CDK11B: variants seen among roughly 807,000 people sequenced by gnomAD.
CDK11B encodes the protein cyclin-dependent kinase 11B.
CDK11B carries 37 observed loss-of-function variants against 84.0 expected under a neutral mutation model. The ratio of observed to expected loss-of-function variants is 0.44; its 90% CI spans 0.34 to 0.58. The LOEUF (loss-of-function observed/expected upper bound fraction) is 0.58. CDK11B is among the 20% of genes least tolerant of loss of function. The pLI, the probability that CDK11B is intolerant of heterozygous loss-of-function variation, is 0.02. For missense variants in CDK11B, 427 were observed against 834.0 expected, an observed-to-expected ratio of 0.51 and a Z score of 6.01; for synonymous variants, 269 against 309.8, an observed-to-expected ratio of 0.87 and a Z score of 1.38.
chr1:1,637,018 TG>T lies in CDK11B; in HGVS notation c.1693-15del. ...GAAGTCACCCACCTGCAACGACAGATGGGCGGCTGTGAGTGGGCCCCGGCAG... is the reference window on the plus strand; with the variant it reads ...GAAGTCACCCACCTGCAACGACAGATGGCGGCTGTGAGTGGGCCCCGGCAG... On this transcript the variant is annotated splice_polypyrimidine_tract_variant and intron_variant, in intron 15 of 19. Coordinates refer to ENST00000341832, the MANE Select transcript of CDK11B (RefSeq NM_033486.3). The T allele has an allele frequency of 1.2e-6, 2 of 1,612,922 alleles. No individual in the cohort carries two copies. The highest frequency in any genetic ancestry group is 1.7e-6 in the Non-Finnish European group (2 of 1,179,528).
At chr1:1,645,904 T>C (rs1251990426) in intron 5 of CDK11B, 2 of 350,634 alleles carry the variant, frequency 5.7e-6, no homozygotes, top group African/African-American at 4.3e-5. Flanking sequence ...AGTGGCGCAA[T>C]CTCGGCTCAC....
At chr1:1,654,842 T>A (rs1215300733) in intron 3 of CDK11B, among the ~76,000 whole-genome samples, 1 of 150,812 alleles carries the variant, frequency 6.6e-6, no homozygotes, top group Non-Finnish European at 1.5e-5. Flanking sequence ...GTATTTTTAG[T>A]AGAGACGGGG....
chr1:1,636,717 T>C lies in CDK11B; in HGVS notation c.1882A>G (p.Lys628Glu), dbSNP rs1470035005. The C allele has an allele frequency of 6.2e-7, 1 of 1,613,772 alleles. No individual in the cohort carries two copies. The highest frequency in any genetic ancestry group is 8.5e-7 in the Non-Finnish European group (1 of 1,179,854). Residue 628 changes from lysine to glutamate, a missense_variant, in exon 17 of 20, where the codon AAG becomes GAG. Lys to Glu is a moderately conservative substitution (Grantham distance 56). Coordinates refer to ENST00000341832, the MANE Select transcript of CDK11B (RefSeq NM_033486.3). ...TTGTTGATCTGATCGATTTCTGACT[T>C]CCCGGGGAACAGAGGCTTCTGAGTC... ...LLTQKPLFPGKSEIDQINKVF... is the reference protein window; with the variant it reads ...LLTQKPLFPGESEIDQINKVF...
chr1:1,648,790 G>A (rs531615939), intron 5 of CDK11B, among the ~76,000 whole-genome samples: 1 of 151,956 alleles, frequency 6.6e-6, no homozygotes, highest in African/African-American at 2.4e-5. Flanking sequence ...TCCTTTTTTT[G>A]AGACAGTCTC....
In CDK11B at chr1:1,649,521, T is replaced by G; in HGVS notation, c.472A>C (p.Arg158=). ...WERQKRREMA[R]EHSRRERDRL... ...CACCTTTCTCTCCTGGAATGCTCCCTTGCCATCTCCCTTCTCTTCTGTCTT... is the reference window on the plus strand; with the variant it reads ...CACCTTTCTCTCCTGGAATGCTCCCGTGCCATCTCCCTTCTCTTCTGTCTT... Residue 158 remains arginine, a synonymous_variant, in exon 5 of 20, where the codon AGG becomes CGG. Transcript: ENST00000341832. The G allele has an allele frequency of 3.1e-6, 5 of 1,597,178 alleles. No individual in the cohort carries two copies. Among genetic ancestry groups the G allele is most frequent in the Non-Finnish European group, 4.3e-6 (5 of 1,164,696 alleles).
chr1:1,652,773 C>T (rs1390614123), intron 3 of CDK11B, among the ~76,000 whole-genome samples: 3 of 152,098 alleles, frequency 2.0e-5, no homozygotes, highest in Non-Finnish European at 2.9e-5. Flanking sequence ...CTCTGTTGCC[C>T]GGGCTATAGT....
At chr1:1,654,875 G>C (rs929680030) in intron 3 of CDK11B, among the ~76,000 whole-genome samples, 1 of 148,598 alleles carries the variant, frequency 6.7e-6, no homozygotes, top group Non-Finnish European at 1.5e-5. Context: ...AGCCAGGATG[G>C]TCTTGATCTT....
intron 3 of CDK11B, among the ~76,000 whole-genome samples, chr1:1,653,917 G>A (rs571811442): frequency 6.6e-6 from 1 of 151,812 alleles, no homozygotes; most frequent in Non-Finnish European, 1.5e-5. Flanking sequence ...TCTGAGGCAG[G>A]AGACTCACTT....
rs1249125779 is a variant in CDK11B, at chr1:1,636,472, T to G, written c.1927A>C (p.Thr643Pro). The change falls in exon 18 of 20, where the codon ACC becomes CCC. Residue 643 changes from threonine (T) to proline (P), a missense_variant. Thr to Pro is a conservative substitution (Grantham distance 38, BLOSUM62 -1). Around this residue, in one of 12 missense-constraint regions of CDK11B, gnomAD observed 170 missense variants for 196.0 expected, o/e 0.87. Coordinates refer to ENST00000341832, the MANE Select transcript of CDK11B (RefSeq NM_033486.3). The stretch of plus-strand genomic sequence containing the variant: ...CCGGGCCAGATTTTCTCACTAGGGG[T>G]CCCCAGATCCTGAAAGACAGAGGTG... ...QINKVFKDLGTPSEKIWPGYS... is the reference protein window; with the variant it reads ...QINKVFKDLGPPSEKIWPGYS... 6.2e-7 allele frequency: 1 copy of G among 1,611,914 alleles called. No individual in the cohort carries two copies.
chr1:1,647,149 CTT>C (rs1177341081), intron 5 of CDK11B, among the ~76,000 whole-genome samples: 4 of 152,204 alleles, frequency 2.6e-5, no homozygotes, highest in Non-Finnish European at 4.4e-5. Flanking sequence ...GTGCATTTTT[CTT>C]GTTTTTTTCT....
intron 17 of CDK11B, 51 bp from the exon 18 acceptor site, chr1:1,636,532 G>T: frequency 1.3e-6 from 2 of 1,589,410 alleles, no homozygotes; most frequent in Non-Finnish European, 1.7e-6. Flanking sequence ...CACAGTGTTG[G>T]CACCTGTGTC....
At chr1:1,639,689 G>C (rs1570051906) in intron 11 of CDK11B, among the ~76,000 whole-genome samples, 1 of 151,948 alleles carries the variant, frequency 6.6e-6, no homozygotes, top group Non-Finnish European at 1.5e-5. Context: ...GCATGCGCCA[G>C]AGAGAACCTC....
Position 1,649,642 on chromosome 1 carries a change from T to C in CDK11B, c.356-5A>G. The C allele has an allele frequency of 1.2e-6, 2 of 1,610,110 alleles. No individual in the cohort carries two copies. The highest frequency in any genetic ancestry group is 1.7e-6 in the Non-Finnish European group (2 of 1,177,168). Reference sequence around the variant, plus strand: ...CTTTCACTCTAGCATGCTTCCCTAATGAGAAATAAAGTGTCATGCAAAGAA... The same window carrying C: ...CTTTCACTCTAGCATGCTTCCCTAACGAGAAATAAAGTGTCATGCAAAGAA... On this transcript the variant is annotated splice_polypyrimidine_tract_variant and splice_region_variant and intron_variant, in intron 4 of 19. Coordinates refer to ENST00000341832, the MANE Select transcript of CDK11B (RefSeq NM_033486.3).
intron 4 of CDK11B, among the ~76,000 whole-genome samples, chr1:1,652,199 GAC>G (rs1365937768): frequency 6.6e-6 from 1 of 151,796 alleles, no homozygotes; most frequent in Non-Finnish European, 1.5e-5. Context: ...TTCGGTCTGT[GAC>G]ACACGCATGC....
chr1:1,654,430 T>A (rs1334263791), intron 3 of CDK11B, among the ~76,000 whole-genome samples: 4 of 152,130 alleles, frequency 2.6e-5, no homozygotes, highest in African/African-American at 9.7e-5. Context: ...GGAAAACTCA[T>A]TTAGTTTTTC....
At chr1:1,639,935 C>T (rs369913709) in intron 11 of CDK11B, among the ~76,000 whole-genome samples, 3 of 151,656 alleles carry the variant, frequency 2.0e-5, no homozygotes, top group African/African-American at 7.3e-5. Context: ...CTACATAACC[C>T]GCCCACGCAG....
chr1:1,654,730 C>T (rs2101002873), intron 3 of CDK11B, among the ~76,000 whole-genome samples: 1 of 150,614 alleles, frequency 6.6e-6, no homozygotes, highest in African/African-American at 2.4e-5. Context: ...ATGATCTTGT[C>T]TCACTGCAAG....
intron 1 of CDK11B, 27 bp downstream of exon 1, chr1:1,658,887 C>A (rs559827562): frequency 4.6e-4 from 78 of 170,590 alleles, no homozygotes; most frequent in Non-Finnish European, 7.9e-4. Flanking sequence ...CGCGCTCCCA[C>A]ACCTGGTCCG....
At position 1,658,931 on chromosome 1, in the gene CDK11B, T is replaced by TGCC. The variant is rs532220148; in HGVS notation, c.-34_-32dup. 1.6e-3 allele frequency: 315 copies of TGCC among 195,688 alleles called. 3 individuals are homozygous for TGCC. The highest frequency in any genetic ancestry group is 0.011 in the South Asian group (163 of 14,884). 12.1% of individuals were successfully genotyped at this position (195,688 alleles called of 1,614,324 possible). A position where few individuals can be genotyped will look rare whatever the true frequency, so the allele number is the denominator to read the frequency against. The stretch of plus-strand genomic sequence containing the variant: ...GAACTCACCCCTACGCCGCCGCCGC[T>TGCC]GCCGCCGCCGCCGCCGCCGGTCCCG... On this transcript the variant is annotated 5_prime_UTR_variant, in exon 1 of 20. Coordinates refer to ENST00000341832, the MANE Select transcript of CDK11B (RefSeq NM_033486.3).
Sources: allele counts gnomAD v4.1 joint callset (sites outside exome capture counted in the v4.1 genomes callset), GRCh38; gene constraint gnomAD v4.1.1; regional missense constraint gnomAD v4.1.1; transcripts MANE v1.5; gene names NCBI Gene and HGNC (gene_info 2026-07-23, HGNC 2026-07-21).